The following MBOAT2 variants were observed in gnomAD, a reference collection of about 807,000 sequenced individuals.
MBOAT2 encodes the protein membrane bound glycerophospholipid O-acyltransferase 2.
Under a neutral mutation model 63.4 loss-of-function variants are expected in MBOAT2, and 28 were observed. That is an observed-to-expected ratio of 0.44 (90% CI 0.33 to 0.61). The LOEUF is 0.61. Ranked by LOEUF, MBOAT2 falls within the 20% of genes least tolerant of loss-of-function variation. MBOAT2 has a pLI of 0.03. For missense variants in MBOAT2, 470 were observed against 605.8 expected (o/e 0.78, Z 2.35); for synonymous variants, 211 against 215.6 (o/e 0.98, Z 0.19).
At chr2:8,918,603 C>A (rs371840168) in intron 3 of MBOAT2, among the ~76,000 whole-genome samples, 2 of 151,982 alleles carry the variant, frequency 1.3e-5, no homozygotes, top group Non-Finnish European at 2.9e-5. Flanking sequence ...AAATGGAGTG[C>A]AATAAAATAA....
chr2:8,928,139 T>C (rs1319737997), intron 3 of MBOAT2, among the ~76,000 whole-genome samples: 1 of 152,066 alleles, frequency 6.6e-6, no homozygotes, highest in Non-Finnish European at 1.5e-5. Context: ...AAACCATTCA[T>C]GAGAACCTGC....
chr2:8,906,944 T>C (rs552053977), intron 4 of MBOAT2, among the ~76,000 whole-genome samples: 21 of 152,348 alleles, frequency 1.4e-4, no homozygotes, highest in African/African-American at 4.8e-4. Flanking sequence ...CTGGAGGACC[T>C]AGAACCTCAT....
intron 1 of MBOAT2, among the ~76,000 whole-genome samples, chr2:8,960,061 T>C (rs754515012): frequency 6.6e-6 from 1 of 152,212 alleles, no homozygotes; most frequent in Non-Finnish European, 1.5e-5. Context: ...TAAGAAACAA[T>C]TGTTCTTTAA....
At position 8,882,671 on chromosome 2, in the gene MBOAT2, T is replaced by C. The variant is rs1267699235; in HGVS notation, c.452-106A>G. On this transcript the variant is annotated intron_variant, in intron 5 of 12. Transcript: ENST00000305997. ...TCCTCATTTGAAATTCATGCTATTA[T>C]ATTCCTAATTTTGATATAATGACTG... 3.1e-6 allele frequency: 3 copies of C among 975,946 alleles called. No individual in the cohort carries two copies. The East Asian group carries it at 7.6e-5, about 25-fold the overall frequency. 60.5% of individuals were successfully genotyped at this position (975,946 alleles called of 1,614,324 possible).
intron 3 of MBOAT2, among the ~76,000 whole-genome samples, chr2:8,923,239 G>A (rs565268004): frequency 6.6e-6 from 1 of 152,230 alleles, no homozygotes; most frequent in Non-Finnish European, 1.5e-5. Context: ...TCTCTAAATT[G>A]CTTACTGTTT....
intron 1 of MBOAT2, among the ~76,000 whole-genome samples, chr2:8,982,282 G>A (rs1558682020): frequency 6.6e-6 from 1 of 152,110 alleles, no homozygotes; most frequent in African/African-American, 2.4e-5. Flanking sequence ...GTAAGACCTG[G>A]AGAAAGCTGT....
intron 1 of MBOAT2, among the ~76,000 whole-genome samples, chr2:8,998,403 G>T (rs754642378): frequency 3.9e-5 from 6 of 152,176 alleles, no homozygotes; most frequent in East Asian, 1.9e-4. Context: ...TGATCTGCTT[G>T]TTTTGTTGCC....
rs1211577217 is a variant in MBOAT2, at chr2:9,003,235, G to C, written c.75+305C>G. ...GATCCGAGCGCCGCTGCCGCGAAGGGCAGGGACCGCATGCACACCCGCACG... is the reference window on the plus strand; with the variant it reads ...GATCCGAGCGCCGCTGCCGCGAAGGCCAGGGACCGCATGCACACCCGCACG... On this transcript the variant is annotated intron_variant, in intron 1 of 12. Coordinates refer to ENST00000305997, the MANE Select transcript of MBOAT2 (RefSeq NM_138799.4). The surrounding 1 kb of genome is among the most constrained non-coding windows in gnomAD (Gnocchi z 5.4). Among the ~76,000 whole-genome samples the C allele has an allele frequency of 6.6e-6, 1 of 152,176 alleles. No homozygotes were observed. Among genetic ancestry groups the C allele is most frequent in the Non-Finnish European group, 1.5e-5 (1 of 68,024 alleles).
intron 1 of MBOAT2, among the ~76,000 whole-genome samples, chr2:8,990,669 G>T (rs1286177279): frequency 6.6e-6 from 1 of 152,040 alleles, no homozygotes; most frequent in African/African-American, 2.4e-5. Context: ...CCTTAGAAAT[G>T]AATTCCTTCA....
intron 1 of MBOAT2, among the ~76,000 whole-genome samples, chr2:9,000,180 A>G (rs1177175057): frequency 6.6e-6 from 1 of 152,052 alleles, no homozygotes; most frequent in African/African-American, 2.4e-5. Context: ...CAATTTTTCA[A>G]AACATTGTTA....
intron 3 of MBOAT2, among the ~76,000 whole-genome samples, chr2:8,912,321 A>AAG (rs1558606394): frequency 9.5e-6 from 1 of 105,076 alleles, no homozygotes; most frequent in African/African-American, 3.9e-5. Context: ...GAAAGAAAGA[A>AAG]AGAAAGAAAG....
chr2:8,932,456 G>C (rs548599741), intron 3 of MBOAT2, among the ~76,000 whole-genome samples: 1 of 152,126 alleles, frequency 6.6e-6, no homozygotes. Flanking sequence ...TGTCTCAATG[G>C]TGCCTGCTAC....
chr2:8,992,811 C>A (rs548601998), intron 1 of MBOAT2, among the ~76,000 whole-genome samples: 9 of 152,202 alleles, frequency 5.9e-5, no homozygotes, highest in Non-Finnish European at 1.2e-4. Flanking sequence ...ATGTGGTCCA[C>A]GGGGTTGGCA....
intron 2 of MBOAT2, among the ~76,000 whole-genome samples, chr2:8,950,846 T>C (rs2103257804): frequency 6.6e-6 from 1 of 152,310 alleles, no homozygotes; most frequent in East Asian, 1.9e-4. Flanking sequence ...TTTTTTATCA[T>C]GACAGGATGT....
chr2:8,927,764 G>A (rs1382851170), intron 3 of MBOAT2, among the ~76,000 whole-genome samples: 1 of 152,200 alleles, frequency 6.6e-6, no homozygotes, highest in Non-Finnish European at 1.5e-5. Context: ...CTCAACTCTC[G>A]AGTCTGTCAC....
intron 1 of MBOAT2, among the ~76,000 whole-genome samples, chr2:8,982,164 A>T (rs115392738): frequency 1.9e-3 from 290 of 152,258 alleles, no homozygotes; most frequent in African/African-American, 6.5e-3. Context: ...GAAAACGCTA[A>T]TGTATGACCC....
intron 7 of MBOAT2, among the ~76,000 whole-genome samples, chr2:8,874,610 G>C (rs1230288712): frequency 6.6e-6 from 1 of 152,134 alleles, no homozygotes; most frequent in African/African-American, 2.4e-5. Context: ...CCTGAGAGGT[G>C]ATATCCTCAG....
chr2:8,868,245 C>A (rs1334629016), intron 9 of MBOAT2, among the ~76,000 whole-genome samples: 6 of 152,164 alleles, frequency 3.9e-5, no homozygotes, highest in Admixed American at 3.9e-4. Context: ...TCCATGAGGG[C>A]CTGAATTGCA....
intron 6 of MBOAT2, among the ~76,000 whole-genome samples, chr2:8,878,316 A>T (rs1027059472): frequency 3.9e-5 from 6 of 152,084 alleles, no homozygotes; most frequent in Admixed American, 1.3e-4. Flanking sequence ...GAGTGTATTT[A>T]AAAAAAACAG....
Sources: allele counts gnomAD v4.1 joint callset (sites outside exome capture counted in the v4.1 genomes callset), GRCh38; gene constraint gnomAD v4.1.1; non-coding constraint Gnocchi (gnomAD v3.1); transcripts MANE v1.5; gene names NCBI Gene and HGNC (gene_info 2026-07-23, HGNC 2026-07-21).